Variants in PLCB4 observed in about 807,000 individuals in gnomAD.
PLCB4 encodes the protein phospholipase C beta 4.
A neutral mutation model predicts 178.8 loss-of-function variants in PLCB4; 77 were observed. The ratio of observed to expected loss-of-function variants is 0.43; its 90% CI spans 0.36 to 0.52. The LOEUF is 0.52. Ranked by LOEUF, PLCB4 falls within the 20% of genes least tolerant of loss-of-function variation. PLCB4 has a pLI of 0.00. For missense variants in PLCB4, 1,024 were observed against 1,453.4 expected (o/e 0.70, Z 4.80); for synonymous variants, 496 against 490.8 (o/e 1.01, Z -0.14).
intron 2 of PLCB4, among the ~76,000 whole-genome samples, chr20:9,130,335 C>T (rs554836032): frequency 2.0e-5 from 3 of 152,304 alleles, no homozygotes; most frequent in East Asian, 1.9e-4. Context: ...CCAGCTTCCA[C>T]ACTCCCCACA....
chr20:9,259,687 C>T (rs2094277120), intron 3 of PLCB4, among the ~76,000 whole-genome samples: 2 of 152,038 alleles, frequency 1.3e-5, no homozygotes, highest in Admixed American at 1.3e-4. Context: ...TCTAAAGATA[C>T]ACTCTTCAAC....
rs559666557 is a variant in PLCB4, at chr20:9,365,868, T to C, written c.503+354T>C. 2.6e-5 allele frequency among the ~76,000 whole-genome samples: 4 copies of C among 152,336 alleles called. No individual in the cohort carries two copies. The South Asian group carries it at 8.3e-4, about 32-fold the overall frequency. ...TTAGCTAAACTTAAAGAAGATTTTA[T>C]TGTGCACCTACTGTGGAAGGGTGTG... On this transcript the variant is annotated intron_variant, in intron 9 of 39. Coordinates refer to ENST00000378473, the MANE Select transcript of PLCB4 (RefSeq NM_001377142.1).
intron 3 of PLCB4, among the ~76,000 whole-genome samples, chr20:9,253,089 A>T (rs1338675554): frequency 6.6e-6 from 1 of 152,132 alleles, no homozygotes; most frequent in Non-Finnish European, 1.5e-5. Context: ...TGCAGCTGCT[A>T]AGTTTGAGAA....
rs184387275 is a variant in PLCB4, at chr20:9,434,126, G to A, written c.2525-1434G>A. ...ACCATTCAGAGAATGGAAAGTTTAA[G>A]CAACCCTTATAATTAATGTATTAGA... On this transcript the variant is annotated intron_variant, in intron 28 of 39. Transcript: ENST00000378473. Among the ~76,000 whole-genome samples, 413 of 152,236 alleles carry A rather than the reference G, an allele frequency of 2.7e-3. 6 individuals are homozygous for A. Among genetic ancestry groups the A allele is most frequent in the Non-Finnish European group, 6.0e-4 (41 of 68,018 alleles).
In PLCB4 at chr20:9,401,629, C is replaced by T. The variant is rs201133387; in HGVS notation, c.1611+39C>T. On this transcript the variant is annotated intron_variant, in intron 20 of 39. Transcript: ENST00000378473. ...TTCTTTCATCACTCTCAAGAGGTAGCAGCTGTTATTTATGAAATTTTGGAA... is the reference window on the plus strand; with the variant it reads ...TTCTTTCATCACTCTCAAGAGGTAGTAGCTGTTATTTATGAAATTTTGGAA... 1.8e-4 allele frequency: 250 copies of T among 1,353,498 alleles called. 1 individual carries two copies. The highest frequency in any genetic ancestry group is 3.6e-5 in the Non-Finnish European group (34 of 948,006). 83.8% of individuals were successfully genotyped at this position (1,353,498 alleles called of 1,614,324 possible). A position where few individuals can be genotyped will look rare whatever the true frequency, so the allele number is the denominator to read the frequency against.
chr20:9,256,989 A>T (rs2094243062), intron 3 of PLCB4, among the ~76,000 whole-genome samples: 1 of 152,200 alleles, frequency 6.6e-6, no homozygotes, highest in African/African-American at 2.4e-5. Flanking sequence ...ATGGAGGATG[A>T]TTCCATCTAA....
chr20:9,308,312 T>C (rs187228986), intron 4 of PLCB4, among the ~76,000 whole-genome samples: 4 of 152,332 alleles, frequency 2.6e-5, no homozygotes, highest in Admixed American at 2.6e-4. Flanking sequence ...ATTGCTTTGC[T>C]CATTTCATTG....
At chr20:9,266,442 C>T (rs2094350125) in intron 3 of PLCB4, among the ~76,000 whole-genome samples, 2 of 152,196 alleles carry the variant, frequency 1.3e-5, no homozygotes, top group Non-Finnish European at 1.5e-5. Context: ...GTGAGGTGTC[C>T]CACCTCACAC....
intron 2 of PLCB4, among the ~76,000 whole-genome samples, chr20:9,120,318 C>T (rs891390567): frequency 1.6e-4 from 25 of 152,132 alleles, no homozygotes; most frequent in Non-Finnish European, 2.8e-4. Context: ...CCCATTTCAT[C>T]TGTTCTCCCT....
intron 4 of PLCB4, among the ~76,000 whole-genome samples, chr20:9,314,028 G>T (rs1315798880): frequency 6.6e-6 from 1 of 152,190 alleles, no homozygotes; most frequent in African/African-American, 2.4e-5. Context: ...ACCACTCAAA[G>T]CACAGCTAAG....
intron 7 of PLCB4, among the ~76,000 whole-genome samples, chr20:9,352,487 TTGGTA>T (rs1286288990): frequency 6.6e-6 from 1 of 152,164 alleles, no homozygotes; most frequent in Non-Finnish European, 1.5e-5. Context: ...ACAAAGCCAT[TTGGTA>T]TGGAAGTTTG....
intron 3 of PLCB4, among the ~76,000 whole-genome samples, chr20:9,285,562 G>A (rs1011529334): frequency 5.9e-5 from 9 of 151,860 alleles, no homozygotes; most frequent in African/African-American, 2.2e-4. Context: ...ATATAGACCT[G>A]CTTTCTGAGG....
intron 4 of PLCB4, among the ~76,000 whole-genome samples, chr20:9,320,637 A>G (rs2094949545): frequency 2.0e-5 from 3 of 152,180 alleles, no homozygotes; most frequent in Admixed American, 2.0e-4. Flanking sequence ...CCTCGAAACA[A>G]CCCTGTTTTA....
chr20:9,136,076 T>C (rs1358252689), intron 2 of PLCB4, among the ~76,000 whole-genome samples: 1 of 152,176 alleles, frequency 6.6e-6, no homozygotes, highest in Admixed American at 6.5e-5. Context: ...ATTTTTACTT[T>C]AGTGCAGAGT....
chr20:9,126,360 G>A (rs933232432), intron 2 of PLCB4, among the ~76,000 whole-genome samples: 1 of 152,116 alleles, frequency 6.6e-6, no homozygotes, highest in Non-Finnish European at 1.5e-5. Flanking sequence ...TCATGTGAAG[G>A]CTCTTGATGT....
chr20:9,293,832 TC>T (rs2094605654), intron 3 of PLCB4, among the ~76,000 whole-genome samples: 1 of 152,128 alleles, frequency 6.6e-6, no homozygotes, highest in African/African-American at 2.4e-5. Context: ...TGGCCCAGTT[TC>T]TTTAAATAAT....
At chr20:9,188,261 G>C (rs1031910711) in intron 2 of PLCB4, among the ~76,000 whole-genome samples, 1 of 152,234 alleles carries the variant, frequency 6.6e-6, no homozygotes, top group Non-Finnish European at 1.5e-5. Flanking sequence ...ATTGGCAGGG[G>C]CCTGAAGGTG....
chr20:9,364,730 G>A (rs535915623), intron 8 of PLCB4, among the ~76,000 whole-genome samples: 1 of 152,310 alleles, frequency 6.6e-6, no homozygotes, highest in South Asian at 2.1e-4. Context: ...AAATCATCAT[G>A]TTCTGCAAAT....
chr20:9,230,279 A>G (rs2093917691), intron 3 of PLCB4, among the ~76,000 whole-genome samples: 2 of 152,178 alleles, frequency 1.3e-5, no homozygotes, highest in African/African-American at 4.8e-5. Flanking sequence ...AAATACAAAT[A>G]CAATCATGTT....
Sources: gnomAD v4.1 joint callset for allele counts (sites outside exome capture counted in the v4.1 genomes callset) on GRCh38, gnomAD v4.1.1 for gene constraint, MANE v1.5 for transcripts, NCBI Gene and HGNC (gene_info 2026-07-23, HGNC 2026-07-21) for gene names.